The following SLC24A3 variants were observed in gnomAD, a reference collection of about 807,000 sequenced individuals.
SLC24A3 encodes the protein solute carrier family 24 member 3.
Under a neutral mutation model 75.8 loss-of-function variants are expected in SLC24A3, and 28 were observed. The observed-to-expected ratio is 0.37, with a 90% CI of 0.27 to 0.51. The LOEUF is 0.51. Among genes scored for constraint, SLC24A3 ranks in the 20% least tolerant of loss-of-function variants. SLC24A3 has a pLI of 0.94. For missense variants in SLC24A3, 663 were observed against 847.8 expected (o/e 0.78, Z 2.71); for synonymous variants, 372 against 334.1 (o/e 1.11, Z -1.24).
chr20:19,446,569 G>C (rs1437819746), intron 2 of SLC24A3, among the ~76,000 whole-genome samples: 1 of 152,224 alleles, frequency 6.6e-6, no homozygotes, highest in Non-Finnish European at 1.5e-5. Context: ...AGGTGACTTG[G>C]ATGAGAAGTT....
chr20:19,460,354 C>T (rs1025647975), intron 2 of SLC24A3, among the ~76,000 whole-genome samples: 2 of 152,072 alleles, frequency 1.3e-5, no homozygotes, highest in African/African-American at 4.8e-5. Context: ...CCAACTATGC[C>T]CCGTCTTTCC....
At chr20:19,539,472 T>C (rs2030458395) in intron 3 of SLC24A3, among the ~76,000 whole-genome samples, 1 of 152,220 alleles carries the variant, frequency 6.6e-6, no homozygotes, top group Admixed American at 6.5e-5. Flanking sequence ...CTGCCTGCAA[T>C]TCTGCTGACT....
At chr20:19,369,670 T>C (rs2122354241) in intron 2 of SLC24A3, among the ~76,000 whole-genome samples, 1 of 152,276 alleles carries the variant, frequency 6.6e-6, no homozygotes, top group East Asian at 1.9e-4. Flanking sequence ...AATACTTAGG[T>C]ATCCTTGTGA....
chr20:19,611,084 C>T (rs2031665336), intron 6 of SLC24A3, among the ~76,000 whole-genome samples: 1 of 152,200 alleles, frequency 6.6e-6, no homozygotes, highest in African/African-American at 2.4e-5. Flanking sequence ...ATTCCCTTTT[C>T]AACAAGGATG....
rs565703928 is a variant in SLC24A3, at chr20:19,222,487, G to C, written c.142+9503G>C. Among the ~76,000 whole-genome samples the C allele has an allele frequency of 4.6e-5, 7 of 152,240 alleles. No individual in the cohort carries two copies. In the South Asian group the frequency reaches 6.2e-4, roughly 14 times the overall value. On this transcript the variant is annotated intron_variant, in intron 1 of 16. Coordinates refer to ENST00000328041, the MANE Select transcript of SLC24A3 (RefSeq NM_020689.4). Reference sequence around the variant, plus strand: ...TTCATATCTCAAGTTTTAGATCTCTGTCAGGGGGTGGTCAGTTTTCCCAGA... The same window carrying C: ...TTCATATCTCAAGTTTTAGATCTCTCTCAGGGGGTGGTCAGTTTTCCCAGA...
At chr20:19,412,425 AGGAGGAAGAAGAGACAG>A (rs377239118) in intron 2 of SLC24A3, among the ~76,000 whole-genome samples, 3 of 152,150 alleles carry the variant, frequency 2.0e-5, no homozygotes, top group African/African-American at 4.8e-5. Context: ...GAGGTGGAGA[AGGAGGAAGAAGAGACAG>A]GGAGGAAGAA....
rs534588544 is a variant in SLC24A3, at chr20:19,389,975, C to T, written c.271+108888C>T. On this transcript the variant is annotated intron_variant, in intron 2 of 16. Transcript: ENST00000328041. ...ATCTCAAATGACCTTTCTTTAAGCT[C>T]GATGATTCTTTCTTCTGTTTGATTG... 3.9e-5 allele frequency among the ~76,000 whole-genome samples: 6 copies of T among 152,178 alleles called. No individual in the cohort carries two copies. In the South Asian group the frequency reaches 6.2e-4, roughly 16 times the overall value.
rs117131500 is a variant in SLC24A3 at position 19,477,666 on chromosome 20, T to C, written c.272-37822T>C. On this transcript the variant is annotated intron_variant, in intron 2 of 16. Transcript: ENST00000328041. ...CTGGCTCCTCCTGGCAGTGCTATCC[T>C]GGCATGAGGGTGCCATGTGCCATGT... Among the ~76,000 whole-genome samples the C allele has an allele frequency of 4.6e-3, 704 of 152,234 alleles. 4 individuals are homozygous for C. Among genetic ancestry groups the C allele is most frequent in the East Asian group, 0.021 (109 of 5,154 alleles).
chr20:19,640,544 G>A (rs1476056441), intron 6 of SLC24A3, among the ~76,000 whole-genome samples: 1 of 152,130 alleles, frequency 6.6e-6, no homozygotes, highest in African/African-American at 2.4e-5. Context: ...GAGGTCAGGA[G>A]TTCAAGACCA....
rs373377744 is a variant in SLC24A3, at chr20:19,217,977, G to A, written c.142+4993G>A. On this transcript the variant is annotated intron_variant, in intron 1 of 16. Coordinates refer to ENST00000328041, the MANE Select transcript of SLC24A3 (RefSeq NM_020689.4). ...GTGTTTATTTGGTCATGATTTGGGT[G>A]ATATCTCCTCTTCCCCAGATTCTAG... is the stretch of plus-strand genomic sequence containing the variant. 2.0e-5 allele frequency among the ~76,000 whole-genome samples: 3 copies of A among 152,216 alleles called. No individual in the cohort carries two copies. In the East Asian group the frequency reaches 5.8e-4, roughly 29 times the overall value.
intron 2 of SLC24A3, among the ~76,000 whole-genome samples, chr20:19,472,398 T>G (rs998313476): frequency 1.3e-5 from 2 of 152,226 alleles, no homozygotes; most frequent in African/African-American, 4.8e-5. Flanking sequence ...GAAACTGGGC[T>G]TGCCCTGGGA....
chr20:19,316,793 A>C (rs1168491832), intron 2 of SLC24A3, among the ~76,000 whole-genome samples: 2 of 152,320 alleles, frequency 1.3e-5, no homozygotes, highest in Admixed American at 6.5e-5. Flanking sequence ...TCTTTGCAAA[A>C]TTTTTAAAAA....
chr20:19,659,640 G>A (rs968164231), intron 7 of SLC24A3, among the ~76,000 whole-genome samples: 1 of 152,196 alleles, frequency 6.6e-6, no homozygotes, highest in South Asian at 2.1e-4. Flanking sequence ...CGTTAGAGAT[G>A]GCATCACCAG....
intron 2 of SLC24A3, among the ~76,000 whole-genome samples, chr20:19,367,490 C>CTT (rs11462699): frequency 9.4e-5 from 14 of 148,152 alleles, no homozygotes; most frequent in South Asian, 2.1e-4. Context: ...GAAGCCCTGC[C>CTT]TTTTTTTTTT....
rs113779129 is a variant in SLC24A3, at chr20:19,482,929, G to A, written c.272-32559G>A. Among the ~76,000 whole-genome samples the A allele has an allele frequency of 7.8e-3, 1,188 of 152,308 alleles. 7 individuals are homozygous for A. Among genetic ancestry groups the A allele is most frequent in the Non-Finnish European group, 0.012 (838 of 68,010 alleles). ...ATGATTCAGTGTGAAGACCAGCTTAGCAGATGGGAAGGTGGTGAATCACAA... is the reference window on the plus strand; with the variant it reads ...ATGATTCAGTGTGAAGACCAGCTTAACAGATGGGAAGGTGGTGAATCACAA... On this transcript the variant is annotated intron_variant, in intron 2 of 16. Coordinates refer to ENST00000328041, the MANE Select transcript of SLC24A3 (RefSeq NM_020689.4).
chr20:19,654,222 C>G (rs796541451), intron 7 of SLC24A3, 86 bp downstream of exon 7: 6 of 1,260,844 alleles, frequency 4.8e-6, no homozygotes, highest in African/African-American at 1.5e-5. Flanking sequence ...GGAGTTCACT[C>G]GAGGTCACCG....
chr20:19,495,697 T>A (rs1988274494), intron 2 of SLC24A3, among the ~76,000 whole-genome samples: 1 of 152,230 alleles, frequency 6.6e-6, no homozygotes, highest in African/African-American at 2.4e-5. Context: ...CCCTGACCAT[T>A]CACTTCACTT....
intron 2 of SLC24A3, among the ~76,000 whole-genome samples, chr20:19,347,947 T>C (rs1476589352): frequency 6.6e-6 from 1 of 152,194 alleles, no homozygotes; most frequent in Admixed American, 6.5e-5. Context: ...ACACCCGGCA[T>C]GTGGAGCTCT....
At chr20:19,226,284 T>G (rs73277071) in intron 1 of SLC24A3, among the ~76,000 whole-genome samples, 1,534 of 152,306 alleles carry the variant, frequency 0.01, 23 homozygotes, top group African/African-American at 0.035. Flanking sequence ...GATCATGGTG[T>G]GTTTTTCATT....
Sources: allele counts gnomAD v4.1 joint callset (sites outside exome capture counted in the v4.1 genomes callset), GRCh38; gene constraint gnomAD v4.1.1; transcripts MANE v1.5; gene names NCBI Gene and HGNC (gene_info 2026-07-23, HGNC 2026-07-21).